RBFOX1: variants seen among roughly 807,000 people sequenced by gnomAD.
RBFOX1 encodes the protein RNA binding protein fox-1 homolog 1.
In RBFOX1, 8 loss-of-function variants were observed where a neutral mutation model predicts 57.7. That is an observed-to-expected ratio of 0.14 (90% confidence interval 0.08 to 0.25). RBFOX1 has a LOEUF of 0.25. RBFOX1 is among the 10% of genes least tolerant of loss of function. The pLI is 1.00. For synonymous variants in RBFOX1, 326 were observed against 222.4 expected (o/e 1.47, Z -4.15); for missense variants, 611 against 548.5 (o/e 1.11, Z -1.14).
At chr16:7,354,426 A>C (rs757355363) in intron 4 of RBFOX1, among the ~76,000 whole-genome samples, 4 of 152,186 alleles carry the variant, frequency 2.6e-5, no homozygotes, top group Non-Finnish European at 5.9e-5. Flanking sequence ...CAGGAAATAA[A>C]ACAGAGGTTG....
At chr16:7,325,444 A>G (rs1020349816) in intron 4 of RBFOX1, among the ~76,000 whole-genome samples, 2 of 152,208 alleles carry the variant, frequency 1.3e-5, no homozygotes, top group African/African-American at 4.8e-5. Context: ...CATGGTAAGA[A>G]GTTGCCAGGA....
At chr16:7,117,094 T>C (rs1206323404) in intron 4 of RBFOX1, among the ~76,000 whole-genome samples, 1 of 152,012 alleles carries the variant, frequency 6.6e-6, no homozygotes, top group Non-Finnish European at 1.5e-5. Context: ...AAAATAATGA[T>C]ATATCTGCAA....
intron 1 of RBFOX1, among the ~76,000 whole-genome samples, chr16:5,393,482 G>C (rs1295923688): frequency 6.6e-6 from 1 of 152,128 alleles, no homozygotes; most frequent in Non-Finnish European, 1.5e-5. Flanking sequence ...GAAGAGAGTG[G>C]GTAGGGAACT....
At chr16:5,486,974 C>A (rs916091568) in intron 2 of RBFOX1, among the ~76,000 whole-genome samples, 2 of 152,106 alleles carry the variant, frequency 1.3e-5, no homozygotes, top group African/African-American at 2.4e-5. Context: ...ACTCCGGTCC[C>A]CTGTAATACC....
chr16:7,372,636 G>A (rs1187891372), intron 4 of RBFOX1, among the ~76,000 whole-genome samples: 1 of 152,100 alleles, frequency 6.6e-6, no homozygotes, highest in Admixed American at 6.5e-5. Context: ...ACAGAATGGT[G>A]GAGGGGCAGC....
In RBFOX1 at chr16:6,821,949, T is replaced by G. The variant is rs527832497; in HGVS notation, c.-16+167299T>G. On this transcript the variant is annotated intron_variant, in intron 3 of 15. Transcript: ENST00000550418. Reference sequence around the variant, plus strand: ...CTCTGTTTTTCACAGCTCTAGTTTCTGATGTGATTGCCTCTACTGTTTGGG... The same window carrying G: ...CTCTGTTTTTCACAGCTCTAGTTTCGGATGTGATTGCCTCTACTGTTTGGG... Among the ~76,000 whole-genome samples the G allele has an allele frequency of 2.6e-5, 4 of 152,330 alleles. No homozygotes were observed. In the East Asian group the frequency reaches 7.7e-4, roughly 29 times the overall value.
intron 4 of RBFOX1, among the ~76,000 whole-genome samples, chr16:7,292,942 G>A (rs573875466): frequency 9.9e-5 from 15 of 152,238 alleles, no homozygotes; most frequent in African/African-American, 3.4e-4. Context: ...GGAAACAGAG[G>A]ATGAAGGGGT....
intron 4 of RBFOX1, chr16:7,510,073 G>A: frequency 1.1e-6 from 1 of 910,710 alleles, no homozygotes; most frequent in Non-Finnish European, 1.3e-6. Flanking sequence ...TGATGGGCCA[G>A]GCCTTCCTGG....
At chr16:5,551,099 C>G (rs940376643) in intron 2 of RBFOX1, among the ~76,000 whole-genome samples, 2 of 152,164 alleles carry the variant, frequency 1.3e-5, no homozygotes, top group African/African-American at 4.8e-5. Flanking sequence ...TGGGAGGTTT[C>G]TCCTGCCACT....
At chr16:6,165,026 TG>T (rs1443319120) in intron 1 of RBFOX1, among the ~76,000 whole-genome samples, 1 of 152,188 alleles carries the variant, frequency 6.6e-6, no homozygotes, top group Non-Finnish European at 1.5e-5. Flanking sequence ...AAAACACTTT[TG>T]TTTTAACTTA....
At chr16:6,911,499 T>A (rs2071586494) in intron 3 of RBFOX1, among the ~76,000 whole-genome samples, 1 of 152,136 alleles carries the variant, frequency 6.6e-6, no homozygotes, top group Non-Finnish European at 1.5e-5. Flanking sequence ...GTTCTCCCCA[T>A]AAGCATGTCT....
intron 4 of RBFOX1, among the ~76,000 whole-genome samples, chr16:7,067,954 T>G (rs910807194): frequency 6.9e-6 from 1 of 145,652 alleles, no homozygotes; most frequent in Non-Finnish European, 1.5e-5. Context: ...GGGCGCCATT[T>G]TTTTTTTTTT....
chr16:7,077,598 G>A (rs565738655), intron 4 of RBFOX1, among the ~76,000 whole-genome samples: 37 of 152,262 alleles, frequency 2.4e-4, no homozygotes, highest in African/African-American at 8.9e-4. Context: ...CTCAGCAAAT[G>A]TTCAGTATCA....
At position 5,776,823 on chromosome 16, in the gene RBFOX1, A is replaced by G. The variant is rs564102003; in HGVS notation, c.319-90480A>G. On this transcript the variant is annotated intron_variant, in intron 3 of 19. Coordinates refer to the RBFOX1 transcript ENST00000641259. ...TTCTCCCTCCAGAACAGCCCTGTCCAGGAGATTTTGTGTGATGATGGAAGT... is the reference window on the plus strand; with the variant it reads ...TTCTCCCTCCAGAACAGCCCTGTCCGGGAGATTTTGTGTGATGATGGAAGT... 2.6e-5 allele frequency among the ~76,000 whole-genome samples: 4 copies of G among 152,338 alleles called. No homozygotes were observed. In the East Asian group the frequency reaches 5.8e-4, roughly 22 times the overall value.
chr16:6,297,921 T>C (rs11645935), intron 1 of RBFOX1, among the ~76,000 whole-genome samples: 49,573 of 152,022 alleles, frequency 0.33, 8,837 homozygotes, highest in Non-Finnish European at 0.41. Flanking sequence ...GAGAGCCACC[T>C]CCACCGCTCA....
intron 4 of RBFOX1, among the ~76,000 whole-genome samples, chr16:7,393,881 C>A (rs1172500291): frequency 6.6e-6 from 1 of 152,018 alleles, no homozygotes; most frequent in Non-Finnish European, 1.5e-5. Flanking sequence ...CTGCAAACAC[C>A]CACGTCAGCA....
chr16:5,797,025 C>T (rs1263491453), intron 3 of RBFOX1, among the ~76,000 whole-genome samples: 2 of 152,102 alleles, frequency 1.3e-5, no homozygotes, highest in Non-Finnish European at 2.9e-5. Context: ...CAAAAGATGA[C>T]AGTCTAATAA....
intron 1 of RBFOX1, among the ~76,000 whole-genome samples, chr16:6,251,009 G>A (rs1246759043): frequency 1.3e-5 from 2 of 152,050 alleles, no homozygotes; most frequent in Admixed American, 1.3e-4. Flanking sequence ...AGTGTGAGAT[G>A]GTCAGAATCA....
intron 1 of RBFOX1, among the ~76,000 whole-genome samples, chr16:5,324,404 A>G (rs142723691): frequency 0.051 from 7,815 of 152,270 alleles, 629 homozygotes; most frequent in African/African-American, 0.17. Context: ...CAGAGGTTGC[A>G]GTGAGCCAAG....
Sources: gnomAD v4.1 joint callset for allele counts (sites outside exome capture counted in the v4.1 genomes callset) on GRCh38, gnomAD v4.1.1 for gene constraint, MANE v1.5 for transcripts, NCBI Gene and HGNC (gene_info 2026-07-23, HGNC 2026-07-21) for gene names.